Variants in RNF207 observed in about 807,000 individuals in gnomAD.
RNF207 encodes the protein ring finger protein 207, also known as OTTHUMG00000001089.
RNF207 carries 72 observed loss-of-function variants against 79.0 expected under a neutral mutation model. The ratio of observed to expected loss-of-function variants is 0.91; its 90% CI spans 0.75 to 1.11. The LOEUF (loss-of-function observed/expected upper bound fraction) is 1.11, where lower values mean the gene tolerates loss of function less well. RNF207 is among the 50% of genes least tolerant of loss of function. RNF207 has a pLI of 0.00. For synonymous variants in RNF207, 348 were observed against 366.2 expected, an observed-to-expected ratio of 0.95 and a Z score of 0.57; for missense variants, 936 against 855.8, an observed-to-expected ratio of 1.09 and a Z score of -1.17.
chr1:6,212,076 G>GC lies in RNF207; in HGVS notation c.1296+23_1296+24insC, dbSNP rs767684904. Reference sequence around the variant, plus strand: ...CGGGTGAGGGGGCAGGGATCTGCCGGAGGGGGGAGATGTCCTAACCCACTC... The same window carrying GC: ...CGGGTGAGGGGGCAGGGATCTGCCGGCAGGGGGGAGATGTCCTAACCCACTC... On this transcript the variant is annotated intron_variant, in intron 13 of 17. Coordinates refer to ENST00000377939, the MANE Select transcript of RNF207 (RefSeq NM_207396.3). 7.7e-6 allele frequency: 12 copies of GC among 1,555,074 alleles called. No homozygotes were observed. In the South Asian group the frequency reaches 1.4e-4, roughly 18 times the overall value.
chr1:6,212,959 G>A lies in RNF207; in HGVS notation c.1535-107G>A, dbSNP rs552160180. 2.9e-5 allele frequency: 24 copies of A among 826,044 alleles called. 1 individual carries two copies. The highest frequency in any genetic ancestry group is 2.3e-4 in the South Asian group (15 of 63,908). 51.2% of individuals were successfully genotyped at this position (826,044 alleles called of 1,614,324 possible). A position where few individuals can be genotyped will look rare whatever the true frequency, so the allele number is the denominator to read the frequency against. ...CAAGTGCCTCCCTCTTTAATTAGAG[G>A]TCATCATGGAAATGGTCGGGATATT... On this transcript the variant is annotated intron_variant, in intron 15 of 17. Transcript: ENST00000377939.
At chr1:6,214,643 T>C (rs1352944763) in intron 16 of RNF207, among the ~76,000 whole-genome samples, 1 of 139,206 alleles carries the variant, frequency 7.2e-6, no homozygotes. Flanking sequence ...TTTTTTTTTT[T>C]TTTTTTTTTT....
chr1:6,219,066 T>C (rs1371941625), intron 17 of RNF207, among the ~76,000 whole-genome samples, 170 bp from the exon 18 acceptor site: 2 of 152,138 alleles, frequency 1.3e-5, no homozygotes, highest in South Asian at 2.1e-4. Flanking sequence ...GATGGGCTCC[T>C]ACTCAGAAGT....
chr1:6,219,369 G>A lies in RNF207; in HGVS notation c.1867G>A (p.Gly623Arg). ...TCATCACAGATCCAAACAGAAAAAT[G>A]GGGGCGATGTCCCCACATGGAGGGA... is the stretch of plus-strand genomic sequence containing the variant. Reference protein sequence around the residue: ...MDHHRSKQKNGGDVPTWREHP... With the variant: ...MDHHRSKQKNRGDVPTWREHP... The change falls in exon 18 of 18, where the codon GGG becomes AGG. Residue 623 changes from glycine to arginine, a missense_variant. Transcript: ENST00000377939. 1 of 1,611,228 alleles carries A rather than the reference G, an allele frequency of 6.2e-7. No individual in the cohort carries two copies. Among genetic ancestry groups the A allele is most frequent in the Non-Finnish European group, 8.5e-7 (1 of 1,179,158 alleles).
At position 6,219,728 on chromosome 1, in the gene RNF207, A is replaced by C. The variant is rs1443967334; in HGVS notation, c.*321A>C. ...AGGCTGGTCTCAAACGCCAGACCTC[A>C]GGTGATCCACCTGCCTCAGCCTCCC... On this transcript the variant is annotated 3_prime_UTR_variant, in exon 18 of 18. Coordinates refer to ENST00000377939, the MANE Select transcript of RNF207 (RefSeq NM_207396.3). The C allele has an allele frequency of 6.1e-6, 1 of 163,762 alleles. No individual in the cohort carries two copies. Among genetic ancestry groups the C allele is most frequent in the Non-Finnish European group, 1.3e-5 (1 of 75,550 alleles). The allele number at this position is 163,762 out of a possible 1,614,324, so 10.1% of individuals were successfully genotyped here.
At position 6,209,519 on chromosome 1, in the gene RNF207, GC is replaced by G; in HGVS notation, c.736del (p.Leu246SerfsTer71). 1 of 1,467,644 alleles carries G rather than the reference GC, an allele frequency of 6.8e-7. No homozygotes were observed. The highest frequency in any genetic ancestry group is 8.9e-7 in the Non-Finnish European group (1 of 1,118,180). 90.9% of individuals were successfully genotyped at this position (1,467,644 alleles called of 1,614,324 possible). On this transcript the variant is annotated frameshift_variant, in exon 7 of 18. Transcript: ENST00000377939. LOFTEE classifies it high-confidence loss of function. ...SAAEEEDAIHALFGSMQDRLA... is the reference protein window; with the variant it reads ...SAAEEEDAIHXLFGSMQDRLA... ...CGCCGAGGAGGAGGACGCTATCCAC[GC>G]CCTCTTCGGCAGCATGCAGGTGAGG...
In RNF207 at chr1:6,209,307, C is replaced by T. The variant is rs1177690758; in HGVS notation, c.591C>T (p.Tyr197=). Reference sequence around the variant, plus strand: ...ACTGCGTGGACCTGGAATCGGCTTACGTGCAGGGCTGCGAGCGGCTGGAGC... The same window carrying T: ...ACTGCGTGGACCTGGAATCGGCTTATGTGCAGGGCTGCGAGCGGCTGGAGC... ...RAHCVDLESA[Y]VQGCERLEQA... The change falls in exon 6 of 18, where the codon TAC becomes TAT. Residue 197 remains tyrosine, a synonymous_variant. Coordinates refer to ENST00000377939, the MANE Select transcript of RNF207 (RefSeq NM_207396.3). 4 of 1,547,768 alleles carry T rather than the reference C, an allele frequency of 2.6e-6. No individual in the cohort carries two copies. The highest frequency in any genetic ancestry group is 2.4e-5 in the South Asian group (2 of 84,036).
chr1:6,219,117 C>T (rs1668460934), intron 17 of RNF207, 119 bp from the exon 18 acceptor site: 1 of 834,262 alleles, frequency 1.2e-6, no homozygotes, highest in East Asian at 2.6e-5. Flanking sequence ...CTGGTTCTCA[C>T]TCACTGAGGC....
In RNF207 at chr1:6,206,524, C is replaced by G; in HGVS notation, c.1-12C>G. 6.5e-7 allele frequency: 1 copy of G among 1,548,534 alleles called. No homozygotes were observed. Among genetic ancestry groups the G allele is most frequent in the Non-Finnish European group, 8.6e-7 (1 of 1,156,178 alleles). On this transcript the variant is annotated splice_polypyrimidine_tract_variant and intron_variant, in intron 1 of 17. Transcript: ENST00000377939. The stretch of plus-strand genomic sequence containing the variant: ...TGCGTGCCCCAGCCGCCCGCTTGCG[C>G]TGTCGCTGCAGATGTCGGGAGCTAT...
rs753245613 is a variant in RNF207 at position 6,212,079 on chromosome 1, G to T, written c.1296+26G>T. ...GTGAGGGGGCAGGGATCTGCCGGAG[G>T]GGGGAGATGTCCTAACCCACTCCTC... On this transcript the variant is annotated intron_variant, in intron 13 of 17. Transcript: ENST00000377939. 51 of 1,577,030 alleles carry T rather than the reference G, an allele frequency of 3.2e-5. No homozygotes were observed. In the South Asian group the frequency reaches 4.4e-4, roughly 14 times the overall value.
rs709209 is a variant in RNF207 at position 6,218,354 on chromosome 1, A to G, written c.1718A>G (p.Asn573Ser). Residue 573 changes from asparagine (N) to serine (S), a missense_variant, in exon 17 of 18, where the codon AAC becomes AGC. By Grantham distance (46) the Asn-to-Ser change is conservative. Coordinates refer to ENST00000377939, the MANE Select transcript of RNF207 (RefSeq NM_207396.3). ...LQNTHDDSRN[N>S]AASARNNPGS... Reference sequence around the variant, plus strand: ...AACACGCACGACGACAGCAGGAACAACGCGGCCTCAGCCAGGTAAAGCAAG... The same window carrying G: ...AACACGCACGACGACAGCAGGAACAGCGCGGCCTCAGCCAGGTAAAGCAAG... The G allele has an allele frequency of 0.36, 576,004 of 1,611,076 alleles. 109,978 individuals are homozygous for G. Among genetic ancestry groups the G allele is most frequent in the African/African-American group, 0.72 (53,666 of 74,880 alleles).
rs758008745 is a variant in RNF207 at position 6,219,219 on chromosome 1, T to G, written c.1734-17T>G. 3.1e-6 allele frequency: 5 copies of G among 1,592,910 alleles called. No homozygotes were observed. Among genetic ancestry groups the G allele is most frequent in the Non-Finnish European group, 3.4e-6 (4 of 1,168,268 alleles). Reference sequence around the variant, plus strand: ...AATGGGGGAGCGGGCTGGGCTTACATGAGGCTGTCCCTTTAGGAATAATCC... The same window carrying G: ...AATGGGGGAGCGGGCTGGGCTTACAGGAGGCTGTCCCTTTAGGAATAATCC... On this transcript the variant is annotated splice_polypyrimidine_tract_variant and intron_variant, in intron 17 of 17. Coordinates refer to ENST00000377939, the MANE Select transcript of RNF207 (RefSeq NM_207396.3).
chr1:6,208,291 C>T (rs1557583249), intron 3 of RNF207: 1 of 152,774 alleles, frequency 6.5e-6, no homozygotes, highest in East Asian at 2.0e-4. Flanking sequence ...GTGAGAGGCC[C>T]TCACACCCTT....
intron 16 of RNF207, among the ~76,000 whole-genome samples, chr1:6,216,428 C>T (rs1284381294): frequency 1.3e-5 from 2 of 152,214 alleles, no homozygotes; most frequent in Non-Finnish European, 2.9e-5. Context: ...GCTCCCTCAA[C>T]CCACTTCACT....
Position 6,217,053 on chromosome 1 carries a change from A to T in RNF207, c.1653-1236A>T, listed in dbSNP as rs548631304. Among the ~76,000 whole-genome samples, 1 of 152,104 alleles carries T rather than the reference A, an allele frequency of 6.6e-6. No homozygotes were observed. The highest frequency in any genetic ancestry group is 2.4e-5 in the African/African-American group (1 of 41,504). The stretch of plus-strand genomic sequence containing the variant: ...CCCGGCTAATTTTTATAGTTTTGGT[A>T]GAGATGGGGTTGTGCTATGTTGCCA... On this transcript the variant is annotated intron_variant, in intron 16 of 17. Coordinates refer to ENST00000377939, the MANE Select transcript of RNF207 (RefSeq NM_207396.3). This position sits in a 1 kb window ranked among gnomAD's most constrained non-coding sequence, Gnocchi z 4.2.
chr1:6,209,524 C>A lies in RNF207; in HGVS notation c.738C>A (p.Leu246=), dbSNP rs779316407. The A allele has an allele frequency of 2.0e-6, 3 of 1,467,332 alleles. No homozygotes were observed. Among genetic ancestry groups the A allele is most frequent in the African/African-American group, 1.4e-5 (1 of 69,144 alleles). 90.9% of individuals were successfully genotyped at this position (1,467,332 alleles called of 1,614,324 possible). ...AAEEEDAIHA[L]FGSMQDRLAE... ...AGGAGGAGGACGCTATCCACGCCCT[C>A]TTCGGCAGCATGCAGGTGAGGGGTG... is the stretch of plus-strand genomic sequence containing the variant. The change falls in exon 7 of 18, where the codon CTC becomes CTA. Residue 246 remains leucine, a synonymous_variant. Coordinates refer to ENST00000377939, the MANE Select transcript of RNF207 (RefSeq NM_207396.3).
At chr1:6,216,352 G>A (rs1668359555) in intron 16 of RNF207, among the ~76,000 whole-genome samples, 1 of 152,176 alleles carries the variant, frequency 6.6e-6, no homozygotes, top group South Asian at 2.1e-4. Context: ...GCTCCTGGAG[G>A]TTTCGGGCAA....
chr1:6,214,792 G>A (rs1413062609), intron 16 of RNF207, among the ~76,000 whole-genome samples: 21 of 151,436 alleles, frequency 1.4e-4, no homozygotes, highest in Non-Finnish European at 2.5e-4. Flanking sequence ...GCACCACCAC[G>A]CCTGGCTAAT....
At chr1:6,214,941 T>C (rs11580880) in intron 16 of RNF207, among the ~76,000 whole-genome samples, 1 of 151,750 alleles carries the variant, frequency 6.6e-6, no homozygotes, top group South Asian at 2.1e-4. Flanking sequence ...TTTCAATTTG[T>C]TGATTTCTTC....
Sources: gnomAD v4.1 joint callset for allele counts (sites outside exome capture counted in the v4.1 genomes callset) on GRCh38, gnomAD v4.1.1 for gene constraint, Gnocchi (gnomAD v3.1) non-coding constraint, MANE v1.5 for transcripts, NCBI Gene and HGNC (gene_info 2026-07-23, HGNC 2026-07-21) for gene names.